DLC1: variants seen among roughly 807,000 people sequenced by gnomAD.
The protein encoded by DLC1 is rho GTPase-activating protein 7.
Under a neutral mutation model 140.3 loss-of-function variants are expected in DLC1, and 54 were observed. The observed-to-expected ratio is 0.38, with a 90% confidence interval of 0.31 to 0.48. The LOEUF (loss-of-function observed/expected upper bound fraction) is 0.48, where lower values mean the gene tolerates loss of function less well. Among genes scored for constraint, DLC1 ranks in the 20% least tolerant of loss-of-function variants. The pLI is 0.96. For synonymous variants in DLC1, 986 were observed against 728.1 expected, an observed-to-expected ratio of 1.35 and a Z score of -5.70; for missense variants, 2,536 against 1,907.0, an observed-to-expected ratio of 1.33 and a Z score of -6.14.
intron 1 of DLC1, among the ~76,000 whole-genome samples, chr8:13,598,727 T>G (rs1378442033): frequency 2.0e-5 from 3 of 152,038 alleles, no homozygotes; most frequent in African/African-American, 7.2e-5. Flanking sequence ...AATTAGTATT[T>G]AATTAATCAA....
chr8:13,128,901 T>TAATTATGATGGCAAGGCACAACA (rs1554580360), intron 5 of DLC1, among the ~76,000 whole-genome samples: 1 of 150,170 alleles, frequency 6.7e-6, no homozygotes, highest in Non-Finnish European at 1.5e-5. Context: ...TGTTCTCCAT[T>TAATTATGATGGCAAGGCACAACA]AATTATGATG....
At chr8:13,556,484 G>A (rs1386801939) in intron 1 of DLC1, among the ~76,000 whole-genome samples, 1 of 152,162 alleles carries the variant, frequency 6.6e-6, no homozygotes, top group African/African-American at 2.4e-5. Flanking sequence ...TACCCGGCAG[G>A]GGGTCCAGAC....
At chr8:13,182,097 G>A (rs1826075252) in intron 5 of DLC1, among the ~76,000 whole-genome samples, 1 of 152,118 alleles carries the variant, frequency 6.6e-6, no homozygotes, top group East Asian at 1.9e-4. Context: ...GGGATGATGA[G>A]CATTTTTTCA....
chr8:13,386,498 C>T (rs546930463), intron 4 of DLC1, among the ~76,000 whole-genome samples: 11 of 151,982 alleles, frequency 7.2e-5, no homozygotes, highest in East Asian at 1.9e-4. Flanking sequence ...AGGAGGTGAC[C>T]GTGAAGATGG....
intron 5 of DLC1, among the ~76,000 whole-genome samples, chr8:13,142,388 G>C (rs568585944): frequency 1.3e-5 from 2 of 152,218 alleles, no homozygotes; most frequent in Admixed American, 6.5e-5. Context: ...TTTCTCTACT[G>C]GTTGTCATCT....
intron 5 of DLC1, among the ~76,000 whole-genome samples, chr8:13,223,983 T>A (rs1828673420): frequency 6.6e-6 from 1 of 152,212 alleles, no homozygotes; most frequent in African/African-American, 2.4e-5. Flanking sequence ...TAAGAAGCTA[T>A]TTCTTTTTGC....
At chr8:13,416,838 C>T (rs1170621932) in intron 2 of DLC1, among the ~76,000 whole-genome samples, 1 of 152,080 alleles carries the variant, frequency 6.6e-6, no homozygotes, top group East Asian at 1.9e-4. Flanking sequence ...GTAAATGCCC[C>T]AGGTGATTTT....
chr8:13,109,499 G>C (rs995006423), intron 7 of DLC1, among the ~76,000 whole-genome samples: 1 of 152,084 alleles, frequency 6.6e-6, no homozygotes, highest in African/African-American at 2.4e-5. Flanking sequence ...CAAGGCTGCA[G>C]TGAACCATGA....
At chr8:13,239,218 A>C (rs185999423) in intron 5 of DLC1, among the ~76,000 whole-genome samples, 50 of 152,274 alleles carry the variant, frequency 3.3e-4, no homozygotes, top group African/African-American at 1.2e-3. Context: ...TGTTAGGTGC[A>C]AATGGCTGGG....
Position 13,499,383 on chromosome 8 carries a change from A to G in DLC1, c.689T>C (p.Val230Ala). The G allele has an allele frequency of 6.2e-7, 1 of 1,613,908 alleles. No homozygotes were observed. Among genetic ancestry groups the G allele is most frequent in the African/African-American group, 1.3e-5 (1 of 74,976 alleles). The change falls in exon 2 of 18, where the codon GTA becomes GCA. Residue 230 changes from valine to alanine, a missense_variant. By Grantham distance (64) the Val-to-Ala change is moderately conservative. Transcript: ENST00000276297. ...APEKQLLNSA[V>A]IAQQRRKPDP... Reference sequence around the variant, plus strand: ...AGGTTTCCTTCGTTGCTGAGCAATTACAGCAGAGTTAAGCAATTGTTTCTC... The same window carrying G: ...AGGTTTCCTTCGTTGCTGAGCAATTGCAGCAGAGTTAAGCAATTGTTTCTC...
chr8:13,568,993 G>C (rs374584591), intron 1 of DLC1, among the ~76,000 whole-genome samples: 15 of 152,268 alleles, frequency 9.9e-5, no homozygotes, highest in African/African-American at 2.9e-4. Context: ...AGAGAAGAAC[G>C]CTTAAACAAA....
chr8:13,503,662 T>G (rs1416565518), intron 1 of DLC1, among the ~76,000 whole-genome samples: 1 of 152,206 alleles, frequency 6.6e-6, no homozygotes, highest in South Asian at 2.1e-4. Flanking sequence ...GTGTTCAGTC[T>G]GTAGAACTGA....
intron 2 of DLC1, among the ~76,000 whole-genome samples, chr8:13,431,042 T>G (rs1282871453): frequency 3.3e-5 from 5 of 152,198 alleles, no homozygotes; most frequent in African/African-American, 1.2e-4. Context: ...GTCAGTCAAC[T>G]GAGGGTTTAT....
chr8:13,191,926 G>GATTATTATTATT (rs143940185), intron 5 of DLC1, among the ~76,000 whole-genome samples: 2,746 of 141,890 alleles, frequency 0.019, 48 homozygotes, highest in African/African-American at 0.049. Context: ...GGAGTGGCCT[G>GATTATTATTATT]ATTATTATTA....
At chr8:13,262,774 G>T (rs1244855565) in intron 5 of DLC1, among the ~76,000 whole-genome samples, 1 of 152,132 alleles carries the variant, frequency 6.6e-6, no homozygotes, top group Admixed American at 6.6e-5. Context: ...GAAGTGTATT[G>T]CTCCTAACTT....
At chr8:13,506,581 G>GTGTGTGTATATCTATATATATATA (rs1246764417) in intron 1 of DLC1, among the ~76,000 whole-genome samples, 1 of 131,142 alleles carries the variant, frequency 7.6e-6, no homozygotes, top group African/African-American at 3.2e-5. Context: ...GTGTGTGTGT[G>GTGTGTGTATATCTATATATATATA]TATATATATA....
chr8:13,100,811 C>G, intron 8 of DLC1, 41 bp from the exon 9 acceptor site: 4 of 1,519,380 alleles, frequency 2.6e-6, no homozygotes, highest in Non-Finnish European at 3.5e-6. Context: ...CTGGGGCTGG[C>G]AGCCAGCAGG....
At chr8:13,254,036 G>A (rs1466031243) in intron 5 of DLC1, among the ~76,000 whole-genome samples, 1 of 152,082 alleles carries the variant, frequency 6.6e-6, no homozygotes, top group Admixed American at 6.5e-5. Context: ...AGACATAACA[G>A]CTTAGGGATA....
intron 2 of DLC1, among the ~76,000 whole-genome samples, chr8:13,440,761 G>C (rs575737338): frequency 2.6e-5 from 4 of 152,182 alleles, no homozygotes; most frequent in African/African-American, 7.2e-5. Context: ...TAAGTCTCAC[G>C]AGATCTGAAG....
Sources: gnomAD v4.1 joint callset for allele counts (sites outside exome capture counted in the v4.1 genomes callset) on GRCh38, gnomAD v4.1.1 for gene constraint, MANE v1.5 for transcripts, NCBI Gene and HGNC (gene_info 2026-07-23, HGNC 2026-07-21) for gene names.